The following SKAP1 variants were observed in gnomAD, a reference collection of about 807,000 sequenced individuals.
SKAP1 encodes src kinase-associated phosphoprotein 1.
SKAP1 carries 44 observed loss-of-function variants against 58.5 expected under a neutral mutation model. The observed-to-expected ratio is 0.75, with a 90% CI of 0.59 to 0.97. The LOEUF is 0.97. Among genes scored for constraint, SKAP1 ranks in the 50% least tolerant of loss-of-function variants. The pLI is 0.00. For synonymous variants in SKAP1, 127 were observed against 149.7 expected, an observed-to-expected ratio of 0.85 and a Z score of 1.11; for missense variants, 390 against 435.2, an observed-to-expected ratio of 0.90 and a Z score of 0.92.
chr17:48,206,426 T>C (rs1312923254), intron 4 of SKAP1, among the ~76,000 whole-genome samples: 3 of 100,646 alleles, frequency 3.0e-5, no homozygotes, highest in Non-Finnish European at 6.9e-5. Context: ...GGGTAAAAAA[T>C]AAAGACGTTT....
At chr17:48,399,752 A>G (rs2067471429) in intron 1 of SKAP1, among the ~76,000 whole-genome samples, 1 of 143,408 alleles carries the variant, frequency 7.0e-6, no homozygotes, top group Non-Finnish European at 1.5e-5. Flanking sequence ...GCAGAGCAAG[A>G]CTCTTGTCTC....
intron 11 of SKAP1, among the ~76,000 whole-genome samples, chr17:48,147,489 A>G (rs2063845860): frequency 6.6e-6 from 1 of 152,212 alleles, no homozygotes; most frequent in Non-Finnish European, 1.5e-5. Flanking sequence ...TATGAAATAA[A>G]TTAAGGGCTC....
At chr17:48,408,799 T>C (rs567193680) in intron 1 of SKAP1, among the ~76,000 whole-genome samples, 19 of 152,336 alleles carry the variant, frequency 1.2e-4, no homozygotes, top group Middle Eastern at 6.8e-3. Context: ...GGAAAGAAAC[T>C]GTAGACCAAT....
At chr17:48,282,226 T>G (rs1014356717) in intron 4 of SKAP1, among the ~76,000 whole-genome samples, 19 of 152,210 alleles carry the variant, frequency 1.2e-4, no homozygotes, top group African/African-American at 4.3e-4. Context: ...TAGAAAATAA[T>G]GTAATGAACC....
intron 4 of SKAP1, among the ~76,000 whole-genome samples, chr17:48,325,330 T>C (rs2066423277): frequency 6.6e-6 from 1 of 152,098 alleles, no homozygotes; most frequent in South Asian, 2.1e-4. Context: ...TCCAGTTTTC[T>C]TTCCAAGTGT....
At chr17:48,245,369 G>A (rs937251410) in intron 4 of SKAP1, among the ~76,000 whole-genome samples, 1 of 151,964 alleles carries the variant, frequency 6.6e-6, no homozygotes, top group Non-Finnish European at 1.5e-5. Flanking sequence ...TTAAAATTAC[G>A]ATAGTGACAG....
chr17:48,158,592 GA>G (rs1031044698), intron 11 of SKAP1, among the ~76,000 whole-genome samples: 20 of 128,204 alleles, frequency 1.6e-4, no homozygotes, highest in African/African-American at 4.9e-4. Flanking sequence ...AAAGAAAAAA[GA>G]AAAAAAAAGA....
At chr17:48,255,231 C>G (rs1428301101) in intron 4 of SKAP1, among the ~76,000 whole-genome samples, 1 of 152,010 alleles carries the variant, frequency 6.6e-6, no homozygotes, top group East Asian at 1.9e-4. Flanking sequence ...GACAAAATGA[C>G]TGGATCTTAA....
At chr17:48,161,938 C>A (rs2064075465) in intron 11 of SKAP1, among the ~76,000 whole-genome samples, 1 of 151,918 alleles carries the variant, frequency 6.6e-6, no homozygotes, top group Non-Finnish European at 1.5e-5. Context: ...AATTTTATTG[C>A]ATTTTTTATT....
intron 4 of SKAP1, among the ~76,000 whole-genome samples, chr17:48,270,016 G>A (rs2065606818): frequency 6.6e-6 from 1 of 152,144 alleles, no homozygotes; most frequent in Non-Finnish European, 1.5e-5. Flanking sequence ...GGAGGCTGAG[G>A]CAGGAGTATC....
chr17:48,220,883 GAA>G (rs34654148), intron 4 of SKAP1, among the ~76,000 whole-genome samples: 2 of 93,066 alleles, frequency 2.1e-5, no homozygotes, highest in Non-Finnish European at 4.2e-5. Flanking sequence ...AAAAAGAAAA[GAA>G]AAAAAAAAGA....
In SKAP1 at chr17:48,162,453, C is replaced by T. The variant is rs772365109; in HGVS notation, c.978+16G>A. ...AAATTGACTTTCTATTTAAGCCCCA[C>T]ACTTTCTGTCCTTACCTTGCTCAGA... On this transcript the variant is annotated intron_variant, in intron 11 of 12. Transcript: ENST00000336915. 5.0e-6 allele frequency: 8 copies of T among 1,586,464 alleles called. No individual in the cohort carries two copies. The highest frequency in any genetic ancestry group is 6.9e-6 in the Non-Finnish European group (8 of 1,158,192).
At chr17:48,279,225 GA>G (rs553529624) in intron 4 of SKAP1, among the ~76,000 whole-genome samples, 2 of 150,724 alleles carry the variant, frequency 1.3e-5, no homozygotes, top group Non-Finnish European at 3.0e-5. Context: ...ACATGGAGCA[GA>G]AAAAAAAAGA....
chr17:48,225,584 A>G (rs1219329526), intron 4 of SKAP1, among the ~76,000 whole-genome samples: 2 of 152,174 alleles, frequency 1.3e-5, no homozygotes, highest in African/African-American at 4.8e-5. Flanking sequence ...AGGGCCCATG[A>G]CCTAAGTAAT....
At chr17:48,405,392 CCTTTCTTTCTTTCTTTCTTTCTTT>C (rs376278484) in intron 1 of SKAP1, among the ~76,000 whole-genome samples, 50 of 107,370 alleles carry the variant, frequency 4.7e-4, no homozygotes, top group East Asian at 4.6e-3. Flanking sequence ...TTTTCTCTTT[CCTTTCTTTCTTTCTTTCTTTCTTT>C]CTTTCTTTCT....
chr17:48,266,703 G>C (rs1303098764), intron 4 of SKAP1, among the ~76,000 whole-genome samples: 4 of 151,896 alleles, frequency 2.6e-5, no homozygotes, highest in African/African-American at 9.7e-5. Context: ...GTAGAGACAG[G>C]GTTTCACTGT....
At chr17:48,266,752 C>T (rs1283546352) in intron 4 of SKAP1, among the ~76,000 whole-genome samples, 1 of 152,134 alleles carries the variant, frequency 6.6e-6, no homozygotes, top group African/African-American at 2.4e-5. Flanking sequence ...CCTCGTGATC[C>T]ACCAGCCTCG....
At chr17:48,336,400 G>A (rs2066569762) in intron 4 of SKAP1, among the ~76,000 whole-genome samples, 1 of 152,112 alleles carries the variant, frequency 6.6e-6, no homozygotes, top group Admixed American at 6.5e-5. Context: ...AAATACCTAA[G>A]CACTGGAAGT....
chr17:48,309,744 A>G (rs1002305131), intron 4 of SKAP1, among the ~76,000 whole-genome samples: 1 of 152,202 alleles, frequency 6.6e-6, no homozygotes, highest in South Asian at 2.1e-4. Flanking sequence ...CTATACTGTC[A>G]TGCAACTCTT....
Sources: gnomAD v4.1 joint callset for allele counts (sites outside exome capture counted in the v4.1 genomes callset) on GRCh38, gnomAD v4.1.1 for gene constraint, MANE v1.5 for transcripts, NCBI Gene and HGNC (gene_info 2026-07-23, HGNC 2026-07-21) for gene names.